The following PLPPR1 variants were observed in gnomAD, a reference collection of about 807,000 sequenced individuals.
PLPPR1 encodes the protein phospholipid phosphatase related 1.
Under a neutral mutation model 33.1 loss-of-function variants are expected in PLPPR1, and 10 were observed. That is an observed-to-expected ratio of 0.30 (90% CI 0.19 to 0.51). The LOEUF (loss-of-function observed/expected upper bound fraction) is 0.51, where lower values mean the gene tolerates loss of function less well. PLPPR1 is among the 20% of genes least tolerant of loss of function. The probability of loss-of-function intolerance (pLI) is 0.97; values close to 1 mark genes in which losing one functional copy is unlikely to be tolerated. For synonymous variants in PLPPR1, 151 were observed against 151.0 expected (o/e 1.00, Z 0.00); for missense variants, 304 against 408.1 (o/e 0.74, Z 2.20).
At chr9:101,114,146 G>A (rs1211351902) in intron 1 of PLPPR1, among the ~76,000 whole-genome samples, 2 of 152,302 alleles carry the variant, frequency 1.3e-5, no homozygotes, top group African/African-American at 4.8e-5. Context: ...TAAAAAAAGA[G>A]GAATCTTCTC....
intron 1 of PLPPR1, among the ~76,000 whole-genome samples, chr9:101,047,428 G>T (rs1216876037): frequency 6.6e-6 from 1 of 152,164 alleles, no homozygotes; most frequent in Non-Finnish European, 1.5e-5. Flanking sequence ...GATGTTAAGG[G>T]TATATCTGAG....
At chr9:101,290,888 C>A (rs1379525500) in intron 4 of PLPPR1, among the ~76,000 whole-genome samples, 5 of 152,236 alleles carry the variant, frequency 3.3e-5, no homozygotes, top group Non-Finnish European at 7.3e-5. Flanking sequence ...GCATTTCCAT[C>A]TGAGGTACCT....
chr9:101,214,257 G>T (rs1826744112), intron 2 of PLPPR1, among the ~76,000 whole-genome samples: 1 of 152,156 alleles, frequency 6.6e-6, no homozygotes, highest in Admixed American at 6.5e-5. Context: ...CTGCTACAGA[G>T]GTACCTTATA....
intron 1 of PLPPR1, among the ~76,000 whole-genome samples, chr9:101,134,487 A>T (rs1177918113): frequency 6.6e-6 from 1 of 151,170 alleles, no homozygotes; most frequent in African/African-American, 2.4e-5. Context: ...GGCTCAAGTG[A>T]TCCTCCTACC....
chr9:101,054,778 T>C (rs1830262436), intron 1 of PLPPR1, among the ~76,000 whole-genome samples: 1 of 152,202 alleles, frequency 6.6e-6, no homozygotes, highest in Non-Finnish European at 1.5e-5. Context: ...AGTCTCTGAC[T>C]TCCACTATGC....
intron 1 of PLPPR1, among the ~76,000 whole-genome samples, chr9:101,132,171 C>G (rs1426357092): frequency 2.0e-5 from 3 of 152,054 alleles, no homozygotes; most frequent in African/African-American, 7.2e-5. Flanking sequence ...TCTCAGTGTC[C>G]CCTCATTGGA....
At chr9:101,072,882 G>A (rs1165378394) in intron 1 of PLPPR1, among the ~76,000 whole-genome samples, 3 of 152,058 alleles carry the variant, frequency 2.0e-5, no homozygotes, top group East Asian at 1.9e-4. Flanking sequence ...TTTTATTCTC[G>A]CATGTTGTAT....
rs866636323 is a variant in PLPPR1, at chr9:101,246,085, T to G, written c.64-23795T>G. On this transcript the variant is annotated intron_variant, in intron 2 of 7. Transcript: ENST00000374874. Reference sequence around the variant, plus strand: ...ATATATATATATATATATATATATATATATATATATATATATATATATATA... The same window carrying G: ...ATATATATATATATATATATATATAGATATATATATATATATATATATATA... 4.4e-4 allele frequency among the ~76,000 whole-genome samples: 46 copies of G among 105,736 alleles called. No homozygotes were observed. In the East Asian group the frequency reaches 0.017, roughly 38 times the overall value. The allele number at this position is 105,736 out of a possible 152,430, so 69.4% of individuals were successfully genotyped here. A position where few individuals can be genotyped will look rare whatever the true frequency, so the allele number is the denominator to read the frequency against.
intron 1 of PLPPR1, among the ~76,000 whole-genome samples, chr9:101,180,057 ATGTGAC>A (rs906533281): frequency 2.1e-5 from 3 of 141,140 alleles, no homozygotes; most frequent in African/African-American, 7.8e-5. Flanking sequence ...TTGTGGGACC[ATGTGAC>A]TGTGTGAGTT....
At chr9:101,070,733 T>A (rs1293979179) in intron 1 of PLPPR1, among the ~76,000 whole-genome samples, 2 of 152,108 alleles carry the variant, frequency 1.3e-5, no homozygotes, top group East Asian at 3.9e-4. Context: ...CCTCAACATT[T>A]GTAACCTTCT....
intron 4 of PLPPR1, among the ~76,000 whole-genome samples, chr9:101,287,424 A>T (rs1828412642): frequency 6.6e-6 from 1 of 152,236 alleles, no homozygotes. Flanking sequence ...AGGAGAGAAG[A>T]GAATATTTAT....
chr9:101,181,491 A>G (rs1365541244), intron 1 of PLPPR1, among the ~76,000 whole-genome samples: 1 of 151,126 alleles, frequency 6.6e-6, no homozygotes, highest in Non-Finnish European at 1.5e-5. Flanking sequence ...TGAAATCAGT[A>G]TGCCAAAAAT....
intron 2 of PLPPR1, among the ~76,000 whole-genome samples, chr9:101,238,889 C>A (rs901257532): frequency 1.3e-5 from 2 of 151,578 alleles, no homozygotes; most frequent in Non-Finnish European, 2.9e-5. Flanking sequence ...CTTTATCCTC[C>A]TTTCCTTCTT....
chr9:101,309,339 C>T lies in PLPPR1; in HGVS notation c.514C>T (p.His172Tyr), dbSNP rs1828914281. 3.1e-6 allele frequency: 5 copies of T among 1,614,130 alleles called. No homozygotes were observed. Among genetic ancestry groups the T allele is most frequent in the Non-Finnish European group, 4.2e-6 (5 of 1,180,032 alleles). ...PNYTSADCQA[H>Y]HQFINNGNIC... ...CTACACCAGTGCAGACTGCCAAGCGCACCACCAGTTTATAAACAATGGGAA... is the reference window on the plus strand; with the variant it reads ...CTACACCAGTGCAGACTGCCAAGCGTACCACCAGTTTATAAACAATGGGAA... The change falls in exon 5 of 8, where the codon CAC (histidine) becomes TAC (tyrosine). Residue 172 changes from histidine (H) to tyrosine (Y), a missense_variant. Physicochemically the swap from His to Tyr is moderately conservative, Grantham distance 83. Transcript: ENST00000374874.
intron 3 of PLPPR1, among the ~76,000 whole-genome samples, chr9:101,277,213 C>A (rs116379497): frequency 2.6e-5 from 4 of 152,092 alleles, no homozygotes; most frequent in Non-Finnish European, 5.9e-5. Flanking sequence ...TCTAAAAATC[C>A]GTAAGACTGA....
At position 101,239,540 on chromosome 9, in the gene PLPPR1, A is replaced by G. The variant is rs79951534; in HGVS notation, c.64-30340A>G. Among the ~76,000 whole-genome samples the G allele has an allele frequency of 8.9e-3, 1,361 of 152,112 alleles. 27 individuals carry two copies. Among genetic ancestry groups the G allele is most frequent in the African/African-American group, 0.032 (1,312 of 41,544 alleles). ...GTTGAAAAAATAAGATTTGATTCCTAAAAAACAGTAACAGTTCCTTTTTCA... is the reference window on the plus strand; with the variant it reads ...GTTGAAAAAATAAGATTTGATTCCTGAAAAACAGTAACAGTTCCTTTTTCA... On this transcript the variant is annotated intron_variant, in intron 2 of 7. Coordinates refer to ENST00000374874, the MANE Select transcript of PLPPR1 (RefSeq NM_207299.2).
intron 1 of PLPPR1, among the ~76,000 whole-genome samples, chr9:101,159,010 T>C (rs1172905593): frequency 6.6e-6 from 1 of 152,212 alleles, no homozygotes; most frequent in Non-Finnish European, 1.5e-5. Context: ...TCATAAACTT[T>C]CAATTTTGAG....
In PLPPR1 at chr9:101,298,168, A is replaced by C. The variant is rs1044124450; in HGVS notation, c.386-11043A>C. On this transcript the variant is annotated intron_variant, in intron 4 of 7. Coordinates refer to ENST00000374874, the MANE Select transcript of PLPPR1 (RefSeq NM_207299.2). ...AATTAAAAAACTGATCCAAATATGC[A>C]AACATTAGACTATTAGCACTAAAAT... Among the ~76,000 whole-genome samples, 3 of 152,226 alleles carry C rather than the reference A, an allele frequency of 2.0e-5. No individual in the cohort carries two copies. In the South Asian group the frequency reaches 6.2e-4, roughly 32 times the overall value.
At chr9:101,312,312 T>C (rs953470273) in intron 5 of PLPPR1, among the ~76,000 whole-genome samples, 8 of 152,174 alleles carry the variant, frequency 5.3e-5, no homozygotes, top group Non-Finnish European at 1.2e-4. Context: ...CACCTGAAGG[T>C]GTGACAAAGC....
Sources: gnomAD v4.1 joint callset for allele counts (sites outside exome capture counted in the v4.1 genomes callset) on GRCh38, gnomAD v4.1.1 for gene constraint, MANE v1.5 for transcripts, NCBI Gene and HGNC (gene_info 2026-07-23, HGNC 2026-07-21) for gene names.